KIAA1549: variants seen among roughly 807,000 people sequenced by gnomAD.
KIAA1549 encodes the protein UPF0606 protein KIAA1549.
KIAA1549 carries 70 observed loss-of-function variants against 156.4 expected under a neutral mutation model. The observed-to-expected ratio is 0.45, with a 90% CI of 0.37 to 0.55. The LOEUF (loss-of-function observed/expected upper bound fraction) is 0.55. KIAA1549 is among the 20% of genes least tolerant of loss of function. The probability of loss-of-function intolerance (pLI) is 0.00; values close to 1 mark genes in which losing one functional copy is unlikely to be tolerated. For missense variants in KIAA1549, 2,428 were observed against 2,540.9 expected, an observed-to-expected ratio of 0.96 and a Z score of 0.96; for synonymous variants, 1,103 against 1,066.4, an observed-to-expected ratio of 1.03 and a Z score of -0.67.
chr7:138,969,749 T>C (rs1308331813), intron 1 of KIAA1549, among the ~76,000 whole-genome samples: 1 of 152,018 alleles, frequency 6.6e-6, no homozygotes, highest in African/African-American at 2.4e-5. Context: ...TGCACCACCA[T>C]GCCTGACTAA....
Position 138,881,474 on chromosome 7 carries a change from C to T in KIAA1549, c.4143G>A (p.Leu1381=). Residue 1381 remains leucine, a synonymous_variant, in exon 11 of 20, where the codon CTG becomes CTA. Transcript: ENST00000422774. ...IHEPAPLPGP[L]KDHTTPSENG... ...TTTCCGAGGGCGTGGTGTGGTCCTT[C>T]AGAGGTCCTGGCAGTGGCGCTGGCT... is the stretch of plus-strand genomic sequence containing the variant. 1 of 1,614,060 alleles carries T rather than the reference C, an allele frequency of 6.2e-7. No homozygotes were observed. The highest frequency in any genetic ancestry group is 8.5e-7 in the Non-Finnish European group (1 of 1,179,904).
At chr7:138,907,441 G>T (rs1454160664) in intron 5 of KIAA1549, among the ~76,000 whole-genome samples, 2 of 152,218 alleles carry the variant, frequency 1.3e-5, no homozygotes, top group East Asian at 3.8e-4. Context: ...TCTGGGGGAT[G>T]AAGAAAGGAT....
chr7:138,948,799 T>A (rs953655439), intron 1 of KIAA1549, among the ~76,000 whole-genome samples: 12 of 151,888 alleles, frequency 7.9e-5, no homozygotes, highest in Non-Finnish European at 1.2e-4. Flanking sequence ...TTCAAGTGAT[T>A]CTCCCACCTC....
At chr7:138,853,193 T>C (rs1370222259) in intron 16 of KIAA1549, among the ~76,000 whole-genome samples, 1 of 152,224 alleles carries the variant, frequency 6.6e-6, no homozygotes, top group East Asian at 1.9e-4. Flanking sequence ...TTGTCTAAGT[T>C]AGGTCTAAGT....
chr7:138,893,490 G>T (rs965994881), intron 10 of KIAA1549, among the ~76,000 whole-genome samples: 1 of 152,186 alleles, frequency 6.6e-6, no homozygotes, highest in Non-Finnish European at 1.5e-5. Flanking sequence ...GTTGTTTATT[G>T]TAAGAAAGAC....
chr7:138,860,654 G>A (rs995796231), intron 16 of KIAA1549, among the ~76,000 whole-genome samples: 1 of 152,204 alleles, frequency 6.6e-6, no homozygotes, highest in Admixed American at 6.5e-5. Context: ...GCTGACATTT[G>A]AAAGTGGTTG....
At chr7:138,905,929 T>C (rs1811993474) in intron 6 of KIAA1549, among the ~76,000 whole-genome samples, 1 of 152,186 alleles carries the variant, frequency 6.6e-6, no homozygotes, top group Non-Finnish European at 1.5e-5. Context: ...TATAGAACAG[T>C]TTCACAACCC....
At chr7:138,859,873 CCCA>C (rs1345675489) in intron 16 of KIAA1549, among the ~76,000 whole-genome samples, 1 of 152,204 alleles carries the variant, frequency 6.6e-6, no homozygotes. Context: ...TGCTGTACTT[CCCA>C]CCACCAGGAA....
rs1812457642 is a variant in KIAA1549, at chr7:138,919,111, A to G, written c.515T>C (p.Val172Ala). 1 of 1,613,924 alleles carries G rather than the reference A, an allele frequency of 6.2e-7. No individual in the cohort carries two copies. Among genetic ancestry groups the G allele is most frequent in the Non-Finnish European group, 8.5e-7 (1 of 1,179,868 alleles). ...GACTGTGATATACTGTATTGGAGAA[A>G]CCATCCGTGGAGTGGTCCAGTGAGT... ...PDTHWTTPRM[V>A]SPIQYITVSP... Residue 172 changes from valine (V) to alanine (A), a missense_variant, in exon 2 of 20, where the codon GTT (valine) becomes GCT (alanine). Around this residue, in one of 5 missense-constraint regions of KIAA1549, gnomAD observed 893 missense variants for 847.9 expected, o/e 1.05. Transcript: ENST00000422774.
intron 16 of KIAA1549, among the ~76,000 whole-genome samples, chr7:138,855,675 C>T (rs1810366775): frequency 6.6e-6 from 1 of 152,166 alleles, no homozygotes; most frequent in South Asian, 2.1e-4. Context: ...GAATATTCAT[C>T]AATGAAACTC....
intron 10 of KIAA1549, among the ~76,000 whole-genome samples, chr7:138,886,393 G>A (rs886297561): frequency 1.3e-5 from 2 of 151,992 alleles, no homozygotes; most frequent in African/African-American, 2.4e-5. Context: ...TCCCACCTGA[G>A]CCTCCCAAGG....
chr7:138,864,678 C>A (rs775269878), intron 15 of KIAA1549, among the ~76,000 whole-genome samples: 1 of 152,128 alleles, frequency 6.6e-6, no homozygotes, highest in Non-Finnish European at 1.5e-5. Flanking sequence ...AGAGGGTGAC[C>A]AGACAGCCTG....
At chr7:138,901,594 G>A (rs1811843777) in intron 8 of KIAA1549, among the ~76,000 whole-genome samples, 2 of 151,966 alleles carry the variant, frequency 1.3e-5, no homozygotes, top group Admixed American at 1.3e-4. Flanking sequence ...CAAAGTGCTG[G>A]GATTAGAGGT....
chr7:138,853,049 C>CTAAT (rs1391206584), intron 16 of KIAA1549, among the ~76,000 whole-genome samples: 1 of 152,160 alleles, frequency 6.6e-6, no homozygotes, highest in Non-Finnish European at 1.5e-5. Context: ...TATCCTAACC[C>CTAAT]TAATATACAT....
chr7:138,946,272 T>C (rs1813333212), intron 1 of KIAA1549, among the ~76,000 whole-genome samples: 1 of 152,208 alleles, frequency 6.6e-6, no homozygotes, highest in Admixed American at 6.5e-5. Flanking sequence ...TCTGCTTGTA[T>C]GTAAGCCTTA....
At chr7:138,911,348 C>G in intron 3 of KIAA1549, 25 bp from the exon 4 acceptor site, 1 of 1,502,800 alleles carries the variant, frequency 6.7e-7, no homozygotes, top group South Asian at 1.3e-5. Flanking sequence ...AATACAAAGA[C>G]AATTCAAACT....
intron 1 of KIAA1549, among the ~76,000 whole-genome samples, chr7:138,937,422 C>A (rs887634360): frequency 6.6e-6 from 1 of 152,216 alleles, no homozygotes; most frequent in Non-Finnish European, 1.5e-5. Flanking sequence ...ATGAGTCCAA[C>A]AAACACCTAC....
At chr7:138,900,364 G>C (rs1263922502) in intron 8 of KIAA1549, among the ~76,000 whole-genome samples, 1 of 152,182 alleles carries the variant, frequency 6.6e-6, no homozygotes, top group East Asian at 1.9e-4. Context: ...TTAGCTTTTA[G>C]AATGGAATGC....
chr7:138,881,721 A>C (rs1442564534), intron 10 of KIAA1549, 137 bp from the exon 11 acceptor site: 2 of 721,804 alleles, frequency 2.8e-6, no homozygotes, highest in Non-Finnish European at 4.5e-6. Context: ...CATGGACTGC[A>C]TGCCAGGTTC....
Sources: gnomAD v4.1 joint callset for allele counts (sites outside exome capture counted in the v4.1 genomes callset) on GRCh38, gnomAD v4.1.1 for gene constraint, gnomAD v4.1.1 regional missense constraint, MANE v1.5 for transcripts, NCBI Gene and HGNC (gene_info 2026-07-23, HGNC 2026-07-21) for gene names.